Variants in EVA1C observed in about 807,000 individuals in gnomAD.
EVA1C encodes the protein protein eva-1 homolog C.
In EVA1C, 25 loss-of-function variants were observed where a neutral mutation model predicts 45.4. That is an observed-to-expected ratio of 0.55 (90% CI 0.40 to 0.77). The LOEUF (loss-of-function observed/expected upper bound fraction) is 0.77, where lower values mean the gene tolerates loss of function less well. Ranked by LOEUF, EVA1C falls within the 30% of genes least tolerant of loss-of-function variation. The pLI, the probability that EVA1C is intolerant of heterozygous loss-of-function variation, is 0.00. For synonymous variants in EVA1C, 190 were observed against 221.2 expected, an observed-to-expected ratio of 0.86 and a Z score of 1.25; for missense variants, 479 against 554.8, an observed-to-expected ratio of 0.86 and a Z score of 1.37.
intron 1 of EVA1C, among the ~76,000 whole-genome samples, chr21:32,434,388 A>G (rs1481106895): frequency 1.3e-5 from 2 of 151,426 alleles, no homozygotes; most frequent in African/African-American, 4.9e-5. Context: ...TCAGGAGATC[A>G]AGACCATCCT....
chr21:32,462,676 G>A (rs1395506032), intron 3 of EVA1C, among the ~76,000 whole-genome samples: 1 of 152,196 alleles, frequency 6.6e-6, no homozygotes, highest in Admixed American at 6.5e-5. Flanking sequence ...TTACTGGAAT[G>A]AGGGCAAGGA....
chr21:32,500,340 G>C (rs2037488858), intron 5 of EVA1C, among the ~76,000 whole-genome samples: 1 of 151,810 alleles, frequency 6.6e-6, no homozygotes, highest in Admixed American at 6.6e-5. Flanking sequence ...TAGTAGAGAT[G>C]GGGTTTCGCC....
At chr21:32,446,073 G>A (rs1277392504) in intron 1 of EVA1C, among the ~76,000 whole-genome samples, 5 of 152,008 alleles carry the variant, frequency 3.3e-5, no homozygotes, top group Non-Finnish European at 5.9e-5. Flanking sequence ...GTGAAACCCC[G>A]TCTCTACTAA....
chr21:32,457,540 C>A, intron 2 of EVA1C, 57 bp from the exon 3 acceptor site: 1 of 1,610,902 alleles, frequency 6.2e-7, no homozygotes, highest in South Asian at 1.1e-5. Context: ...AGGTTCGGGT[C>A]TGGCAGTCAC....
chr21:32,483,047 C>T (rs1415186435), intron 4 of EVA1C, among the ~76,000 whole-genome samples: 3 of 152,242 alleles, frequency 2.0e-5, no homozygotes, highest in Admixed American at 6.5e-5. Flanking sequence ...TCAGTAGAGA[C>T]GAGGTCTAGT....
chr21:32,449,599 G>A (rs1447670323), intron 1 of EVA1C, among the ~76,000 whole-genome samples: 2 of 151,258 alleles, frequency 1.3e-5, no homozygotes, highest in African/African-American at 4.9e-5. Context: ...GTGGGCCTAG[G>A]TTTCTTTCGT....
At chr21:32,444,833 A>T (rs1327040404) in intron 1 of EVA1C, among the ~76,000 whole-genome samples, 1 of 152,192 alleles carries the variant, frequency 6.6e-6, no homozygotes, top group African/African-American at 2.4e-5. Flanking sequence ...ACAAAAACAC[A>T]TCACTTTGGA....
chr21:32,491,223 A>G (rs143476532), intron 4 of EVA1C, among the ~76,000 whole-genome samples: 1 of 152,290 alleles, frequency 6.6e-6, no homozygotes, highest in East Asian at 1.9e-4. Flanking sequence ...CTGGGGCTGC[A>G]GTGAGACCTG....
intron 7 of EVA1C, 21 bp downstream of exon 7, chr21:32,504,036 T>C (rs938419351): frequency 6.7e-7 from 1 of 1,503,136 alleles, no homozygotes; most frequent in Admixed American, 1.7e-5. Context: ...GAATCAAAGC[T>C]TCCTAGAATG....
At position 32,514,793 on chromosome 21, in the gene EVA1C, CAT is replaced by C. The variant is rs770558907; in HGVS notation, c.950-20_950-19del. On this transcript the variant is annotated intron_variant, in intron 7 of 7. Transcript: ENST00000300255. ...TCTGCCAGCTCCTCCCAGCTCCTGA[CAT>C]GTTCTCTTCCTCCTGCAGCCCACCC... 6.6e-7 allele frequency: 1 copy of C among 1,522,898 alleles called. No homozygotes were observed. The highest frequency in any genetic ancestry group is 1.3e-5 in the South Asian group (1 of 76,428). The allele number at this position is 1,522,898 out of a possible 1,614,324, so 94.3% of individuals were successfully genotyped here. A position where few individuals can be genotyped will look rare whatever the true frequency, so the allele number is the denominator to read the frequency against.
At chr21:32,513,027 A>G (rs2038008731) in intron 7 of EVA1C, among the ~76,000 whole-genome samples, 1 of 151,184 alleles carries the variant, frequency 6.6e-6, no homozygotes, top group Non-Finnish European at 1.5e-5. Flanking sequence ...TATAATACTT[A>G]CAATAATATA....
At chr21:32,441,774 A>G (rs529125519) in intron 1 of EVA1C, among the ~76,000 whole-genome samples, 51 of 152,328 alleles carry the variant, frequency 3.3e-4, no homozygotes, top group African/African-American at 1.1e-3. Flanking sequence ...GAAAAGAAGT[A>G]AGAAAAAGTG....
rs758463949 is a variant in EVA1C, at chr21:32,453,444, G to T, written c.293G>T (p.Ser98Ile). ...AFYGQDYQMC[S>I]SQKPASQRED... ...TATGGGCAAGATTACCAAATGTGTA[G>T]TTCCCAGAAGCCTGCCTCCCAGAGG... Residue 98 changes from serine to isoleucine, a missense_variant, in exon 2 of 8, where the codon AGT becomes ATT. By Grantham distance (142) the Ser-to-Ile change is moderately radical. Coordinates refer to ENST00000300255, the MANE Select transcript of EVA1C (RefSeq NM_058187.5). 6.2e-7 allele frequency: 1 copy of T among 1,611,518 alleles called. No individual in the cohort carries two copies. The highest frequency in any genetic ancestry group is 1.3e-5 in the African/African-American group (1 of 74,856).
intron 3 of EVA1C, among the ~76,000 whole-genome samples, chr21:32,461,924 G>A (rs975923539): frequency 6.6e-6 from 1 of 152,132 alleles, no homozygotes; most frequent in Non-Finnish European, 1.5e-5. Flanking sequence ...GCAGTGTAGG[G>A]ACACTTTCTA....
At position 32,434,596 on chromosome 21, in the gene EVA1C, A is replaced by G. The variant is rs1255887865; in HGVS notation, c.161-18716A>G. Among the ~76,000 whole-genome samples, 3 of 33,178 alleles carry G rather than the reference A, an allele frequency of 9.0e-5. No individual in the cohort carries two copies. In the Admixed American group the frequency reaches 1.1e-3, roughly 12 times the overall value. The allele number at this position is 33,178 out of a possible 152,430, so 21.8% of individuals were successfully genotyped here. A position where few individuals can be genotyped will look rare whatever the true frequency, so the allele number is the denominator to read the frequency against. ...ACAGAGCGAGACTCCGTCTCAAAAA[A>G]TAAATAAATAAATAAATAAATAAAT... On this transcript the variant is annotated intron_variant, in intron 1 of 7. Transcript: ENST00000300255.
chr21:32,513,263 A>C (rs1050739150), intron 7 of EVA1C, among the ~76,000 whole-genome samples: 1 of 148,004 alleles, frequency 6.8e-6, no homozygotes, highest in Non-Finnish European at 1.5e-5. Context: ...TGCAAGCTCC[A>C]CCTCTCGGGT....
At chr21:32,413,732 A>G (rs1240708579) in intron 1 of EVA1C, among the ~76,000 whole-genome samples, 1 of 152,128 alleles carries the variant, frequency 6.6e-6, no homozygotes, top group Non-Finnish European at 1.5e-5. Context: ...AGTGAAAGGG[A>G]TTTCTAGGTT....
rs539773484 is a variant in EVA1C, at chr21:32,415,523, C to T, written c.160+2510C>T. On this transcript the variant is annotated intron_variant, in intron 1 of 7. Coordinates refer to ENST00000300255, the MANE Select transcript of EVA1C (RefSeq NM_058187.5). ...GTTCCTTAAGCCTTTCTCTTCTTTG[C>T]GGCTCTTCCTTGAGCCTTTTCCTGG... is the stretch of plus-strand genomic sequence containing the variant. 3.3e-5 allele frequency among the ~76,000 whole-genome samples: 5 copies of T among 152,062 alleles called. 1 individual carries two copies. Among genetic ancestry groups the T allele is most frequent in the South Asian group, 4.2e-4 (2 of 4,816 alleles).
At chr21:32,459,838 CAAAAAAAAAAAA>C (rs35572319) in intron 3 of EVA1C, among the ~76,000 whole-genome samples, 13 of 63,184 alleles carry the variant, frequency 2.1e-4, no homozygotes, top group Non-Finnish European at 4.1e-4. Context: ...GAGACTGTCT[CAAAAAAAAAAAA>C]AAAAAAAAAG....
Sources: allele counts gnomAD v4.1 joint callset (sites outside exome capture counted in the v4.1 genomes callset), GRCh38; gene constraint gnomAD v4.1.1; transcripts MANE v1.5; gene names NCBI Gene and HGNC (gene_info 2026-07-23, HGNC 2026-07-21).